Variants in ATP8A2 observed in about 807,000 individuals in gnomAD.
ATP8A2 encodes phospholipid-transporting ATPase IB.
ATP8A2 carries 100 observed loss-of-function variants against 165.6 expected under a neutral mutation model. The observed-to-expected ratio is 0.60, with a 90% CI of 0.51 to 0.71. The LOEUF (loss-of-function observed/expected upper bound fraction) is 0.71. ATP8A2 is among the 30% of genes least tolerant of loss of function. The pLI is 0.00. For synonymous variants in ATP8A2, 543 were observed against 548.8 expected (o/e 0.99, Z 0.15); for missense variants, 1,227 against 1,479.5 (o/e 0.83, Z 2.80).
rs370366407 is a variant in ATP8A2 at position 25,972,542 on chromosome 13, G to A, written c.3377+3863G>A. On this transcript the variant is annotated intron_variant, in intron 35 of 36. Coordinates refer to ENST00000381655, the MANE Select transcript of ATP8A2 (RefSeq NM_016529.6). ...TGTGCGCCTTATAGACACTGGACAC[G>A]TGTGACTGTTGGGGTTGATCAGAAT... is the stretch of plus-strand genomic sequence containing the variant. Among the ~76,000 whole-genome samples the A allele has an allele frequency of 1.8e-4, 27 of 152,140 alleles. No individual in the cohort carries two copies. The East Asian group carries it at 2.3e-3, about 13-fold the overall frequency.
chr13:25,518,565 G>A (rs1261421473), intron 2 of ATP8A2, among the ~76,000 whole-genome samples: 1 of 152,124 alleles, frequency 6.6e-6, no homozygotes, highest in African/African-American at 2.4e-5. Flanking sequence ...AGGCTTGCTT[G>A]AAGGGGAAGT....
In ATP8A2 at chr13:25,391,691, A is replaced by T. The variant is rs1312122184; in HGVS notation, c.76+19403A>T. On this transcript the variant is annotated intron_variant, in intron 1 of 36. Coordinates refer to ENST00000381655, the MANE Select transcript of ATP8A2 (RefSeq NM_016529.6). Reference sequence around the variant, plus strand: ...AAAATAGCTAAAGCTGCAGCATTGTAGCTTAGTTTTGGCCTTTGGAAAAGA... The same window carrying T: ...AAAATAGCTAAAGCTGCAGCATTGTTGCTTAGTTTTGGCCTTTGGAAAAGA... 2.6e-5 allele frequency among the ~76,000 whole-genome samples: 4 copies of T among 152,212 alleles called. No homozygotes were observed. The East Asian group carries it at 5.8e-4, about 22-fold the overall frequency.
intron 33 of ATP8A2, among the ~76,000 whole-genome samples, chr13:25,942,289 A>C (rs1048570817): frequency 3.9e-5 from 6 of 152,218 alleles, no homozygotes; most frequent in African/African-American, 9.7e-5. Context: ...TGTGGACATG[A>C]ATGAATTTCC....
intron 30 of ATP8A2, among the ~76,000 whole-genome samples, chr13:25,848,819 G>A (rs552521263): frequency 4.6e-5 from 7 of 152,254 alleles, no homozygotes; most frequent in East Asian, 3.9e-4. Flanking sequence ...TCATAGTGTC[G>A]GAGGCAGAAA....
chr13:25,836,292 G>A (rs555158739), intron 28 of ATP8A2, among the ~76,000 whole-genome samples: 1 of 152,166 alleles, frequency 6.6e-6, no homozygotes, highest in East Asian at 1.9e-4. Flanking sequence ...AGGTCTGCTG[G>A]GGCCGAGTGC....
chr13:25,963,258 G>A (rs1048160204), intron 34 of ATP8A2, among the ~76,000 whole-genome samples: 1 of 152,048 alleles, frequency 6.6e-6, no homozygotes, highest in African/African-American at 2.4e-5. Context: ...GCTGGGCGTG[G>A]TGGCGGGCAC....
intron 33 of ATP8A2, among the ~76,000 whole-genome samples, chr13:25,892,503 T>TCTCTCTCTCTCTCTCTCTCC (rs1275257585): frequency 6.6e-6 from 1 of 150,466 alleles, no homozygotes; most frequent in Admixed American, 6.6e-5. Context: ...TCTCTCTCTC[T>TCTCTCTCTCTCTCTCTCTCC]CCTTCCACCT....
chr13:25,699,082 T>C, intron 24 of ATP8A2, 91 bp from the exon 25 acceptor site: 1 of 1,043,056 alleles, frequency 9.6e-7, no homozygotes, highest in Non-Finnish European at 1.3e-6. Context: ...ATGGGTGTGT[T>C]CTCATTTCAA....
intron 8 of ATP8A2, 85 bp from the exon 9 acceptor site, chr13:25,541,834 C>T (rs1449352864): frequency 2.1e-6 from 3 of 1,453,992 alleles, no homozygotes; most frequent in Admixed American, 1.9e-5. Flanking sequence ...CTTATTTTTC[C>T]TTTTGATTAA....
intron 2 of ATP8A2, among the ~76,000 whole-genome samples, chr13:25,488,451 G>A (rs1389707942): frequency 6.6e-6 from 1 of 152,160 alleles, no homozygotes; most frequent in Non-Finnish European, 1.5e-5. Flanking sequence ...ACCATTACAA[G>A]GAGTCTTGCC....
intron 35 of ATP8A2, among the ~76,000 whole-genome samples, chr13:26,000,575 G>A (rs1956612256): frequency 6.6e-6 from 1 of 151,910 alleles, no homozygotes; most frequent in South Asian, 2.1e-4. Context: ...GTATGAGCTT[G>A]GGTTTCACCA....
intron 1 of ATP8A2, among the ~76,000 whole-genome samples, chr13:25,463,233 G>A (rs1156235638): frequency 6.6e-6 from 1 of 151,190 alleles, no homozygotes; most frequent in African/African-American, 2.4e-5. Flanking sequence ...AAGTTAGGGT[G>A]AAAATACTGC....
intron 33 of ATP8A2, among the ~76,000 whole-genome samples, chr13:25,920,161 C>T (rs887544616): frequency 9.9e-5 from 15 of 152,200 alleles, no homozygotes; most frequent in Middle Eastern, 3.4e-3. Flanking sequence ...TCCAGCTAGC[C>T]CAACTCCTTC....
In ATP8A2 at chr13:25,769,224, G is replaced by T; in HGVS notation, c.2563G>T (p.Ala855Ser). Residue 855 changes from alanine to serine, a missense_variant, in exon 26 of 37, where the codon GCA becomes TCA. By Grantham distance (99) the Ala-to-Ser change is moderately conservative (BLOSUM62 1). Around this residue, in one of 5 missense-constraint regions of ATP8A2, gnomAD observed 592 missense variants for 785.6 expected, o/e 0.75. Transcript: ENST00000381655. ...QATNNSDYAIAQFSYLEKLLL... is the reference protein window; with the variant it reads ...QATNNSDYAISQFSYLEKLLL... Reference sequence around the variant, plus strand: ...CACCAACAACTCGGATTACGCCATCGCACAGGTCAGCAGCTTGGGCGTCCA... The same window carrying T: ...CACCAACAACTCGGATTACGCCATCTCACAGGTCAGCAGCTTGGGCGTCCA... The T allele has an allele frequency of 6.2e-7, 1 of 1,608,818 alleles. No homozygotes were observed. The highest frequency in any genetic ancestry group is 8.5e-7 in the Non-Finnish European group (1 of 1,175,914).
At chr13:25,779,130 AAG>A (rs1555265197) in intron 27 of ATP8A2, among the ~76,000 whole-genome samples, 3 of 152,026 alleles carry the variant, frequency 2.0e-5, no homozygotes, top group African/African-American at 7.2e-5. Context: ...AAAAAAAAAA[AAG>A]AGAAAAATGT....
intron 33 of ATP8A2, among the ~76,000 whole-genome samples, chr13:25,937,358 C>CTTTGTTTTTTTTTTTTTTTTTT (rs1566284206): frequency 8.4e-5 from 1 of 11,838 alleles, no homozygotes; most frequent in African/African-American, 2.5e-4. Context: ...TCTATTCTTT[C>CTTTGTTTTTTTTTTTTTTTTTT]TTTCTTTTTT....
chr13:25,378,355 T>G (rs1593227037), intron 1 of ATP8A2, among the ~76,000 whole-genome samples: 1 of 44,912 alleles, frequency 2.2e-5, no homozygotes, highest in South Asian at 7.1e-4. Context: ...AGTTTTGCAT[T>G]TTTTTTTTTG....
At chr13:25,401,820 A>G (rs533987558) in intron 1 of ATP8A2, among the ~76,000 whole-genome samples, 32 of 152,224 alleles carry the variant, frequency 2.1e-4, no homozygotes, top group Non-Finnish European at 3.7e-4. Flanking sequence ...AAATAGAACA[A>G]TGATAATAAT....
intron 13 of ATP8A2, among the ~76,000 whole-genome samples, chr13:25,555,783 A>T (rs1202950149): frequency 6.6e-6 from 1 of 151,634 alleles, no homozygotes; most frequent in Non-Finnish European, 1.5e-5. Context: ...CCCCAACCCC[A>T]TCTAGTAGTC....
Sources: gnomAD v4.1 joint callset for allele counts (sites outside exome capture counted in the v4.1 genomes callset) on GRCh38, gnomAD v4.1.1 for gene constraint, gnomAD v4.1.1 regional missense constraint, MANE v1.5 for transcripts, NCBI Gene and HGNC (gene_info 2026-07-23, HGNC 2026-07-21) for gene names.